Variants in C17orf78 observed in about 807,000 individuals in gnomAD.
The protein encoded by C17orf78 is chromosome 17 open reading frame 78.
A neutral mutation model predicts 31.8 loss-of-function variants in C17orf78; 27 were observed. The observed-to-expected ratio is 0.85, with a 90% CI of 0.63 to 1.17. The LOEUF (loss-of-function observed/expected upper bound fraction) is 1.17, where lower values mean the gene tolerates loss of function less well. C17orf78 is among the 50% of genes most tolerant of loss of function. The pLI is 0.00. For synonymous variants in C17orf78, 106 were observed against 115.1 expected, an observed-to-expected ratio of 0.92 and a Z score of 0.51; for missense variants, 258 against 315.2, an observed-to-expected ratio of 0.82 and a Z score of 1.37.
chr17:37,382,838 G>C (rs575817751), intron 3 of C17orf78, among the ~76,000 whole-genome samples: 1 of 151,950 alleles, frequency 6.6e-6, no homozygotes, highest in Non-Finnish European at 1.5e-5. Context: ...CCAGCCTGGC[G>C]ACAGAGCGAG....
chr17:37,391,444 T>C (rs2050880999), intron 6 of C17orf78, among the ~76,000 whole-genome samples: 1 of 152,184 alleles, frequency 6.6e-6, no homozygotes, highest in Non-Finnish European at 1.5e-5. Context: ...TAGTGGGTTA[T>C]AGGTTCCAAG....
At position 37,391,714 on chromosome 17, in the gene C17orf78, C is replaced by G. The variant is rs766956579; in HGVS notation, c.818C>G (p.Thr273Arg). The G allele has an allele frequency of 6.2e-7, 1 of 1,613,640 alleles. No individual in the cohort carries two copies. The highest frequency in any genetic ancestry group is 8.5e-7 in the Non-Finnish European group (1 of 1,179,630). The change falls in exon 7 of 7, where the codon ACA becomes AGA. Residue 273 changes from threonine (T) to arginine (R), a missense_variant. Transcript: ENST00000615133. Reference protein sequence around the residue: ...KAAEITVIHQTYF With the variant: ...KAAEITVIHQRYF ...GCAGAGATCACTGTTATCCACCAGA[C>G]ATACTTCTGAAAAGTTCTGCTCTAT...
chr17:37,381,674 C>A (rs924973388), intron 3 of C17orf78, among the ~76,000 whole-genome samples: 1 of 142,756 alleles, frequency 7.0e-6, no homozygotes, highest in Non-Finnish European at 1.5e-5. Flanking sequence ...GTTGCCCAGG[C>A]TGGAGTGCAG....
rs551092330 is a variant in C17orf78 at position 37,391,949 on chromosome 17, A to T, written c.*225A>T. ...TCACTTCATACATCCATCTAAATGG[A>T]TACCTTTCCATCCCCTCAAACGAGA... On this transcript the variant is annotated 3_prime_UTR_variant, in exon 7 of 7. Transcript: ENST00000615133. 5.4e-4 allele frequency: 297 copies of T among 550,488 alleles called. 8 individuals carry two copies. The South Asian group carries it at 7.9e-3, about 15-fold the overall frequency. The allele number at this position is 550,488 out of a possible 1,614,324, so 34.1% of individuals were successfully genotyped here.
chr17:37,384,095 C>T (rs144295333), intron 3 of C17orf78, among the ~76,000 whole-genome samples: 2,861 of 152,280 alleles, frequency 0.019, 85 homozygotes, highest in African/African-American at 0.066. Flanking sequence ...GAAACCCCGT[C>T]TCTACTAAAA....
chr17:37,387,130 T>C (rs1038878840), intron 4 of C17orf78: 2 of 152,086 alleles, frequency 1.3e-5, no homozygotes, highest in Non-Finnish European at 2.9e-5. Context: ...AGAGCATATA[T>C]TTGTTTTGAT....
chr17:37,389,508 A>G (rs1480548154), intron 6 of C17orf78, 146 bp downstream of exon 6: 2 of 1,204,946 alleles, frequency 1.7e-6, no homozygotes, highest in Non-Finnish European at 2.2e-6. Context: ...CCTGACCAAC[A>G]TGACGAAACC....
chr17:37,390,175 T>TATATATATACAC lies in C17orf78; in HGVS notation c.750+814_750+815insTATATATACACA, dbSNP rs60788220. 9.2e-3 allele frequency among the ~76,000 whole-genome samples: 409 copies of TATATATATACAC among 44,392 alleles called. 8 individuals carry two copies. The highest frequency in any genetic ancestry group is 0.01 in the Admixed American group (23 of 2,300). 29.1% of individuals were successfully genotyped at this position (44,392 alleles called of 152,430 possible). On this transcript the variant is annotated intron_variant, in intron 6 of 6. Coordinates refer to ENST00000615133, the MANE Select transcript of C17orf78 (RefSeq NM_173625.5). The stretch of plus-strand genomic sequence containing the variant: ...ATATATATATATATATATATATATA[T>TATATATATACAC]ACACACACACATTATATATAAATAT...
chr17:37,390,334 A>ATATATATATAT (rs2050822111), intron 6 of C17orf78, among the ~76,000 whole-genome samples: 9 of 93,388 alleles, frequency 9.6e-5, no homozygotes, highest in East Asian at 3.4e-4. Context: ...ATATATATAT[A>ATATATATATAT]AAAGGCCAGC....
In C17orf78 at chr17:37,391,971, G is replaced by A. The variant is rs961421795; in HGVS notation, c.*247G>A. The A allele has an allele frequency of 4.3e-5, 22 of 511,228 alleles. No homozygotes were observed. The highest frequency in any genetic ancestry group is 7.3e-5 in the Non-Finnish European group (21 of 287,030). 31.7% of individuals were successfully genotyped at this position (511,228 alleles called of 1,614,324 possible). ...TGGATACCTTTCCATCCCCTCAAAC[G>A]AGAACAAAAAGTATTCCCTGCAAGC... is the stretch of plus-strand genomic sequence containing the variant. On this transcript the variant is annotated 3_prime_UTR_variant, in exon 7 of 7. Transcript: ENST00000615133.
Position 37,388,759 on chromosome 17 carries a change from A to G in C17orf78, c.598A>G (p.Ile200Val), listed in dbSNP as rs777024499. The G allele has an allele frequency of 2.5e-6, 4 of 1,613,022 alleles. No individual in the cohort carries two copies. Among genetic ancestry groups the G allele is most frequent in the Non-Finnish European group, 3.4e-6 (4 of 1,179,534 alleles). ...AVTLLLSGVA[I>V]IVFVIFEVPC... Reference sequence around the variant, plus strand: ...CACCCTGTTGCTCAGTGGAGTTGCCATTATAGTATTTGTAATTTTTGAAGT... The same window carrying G: ...CACCCTGTTGCTCAGTGGAGTTGCCGTTATAGTATTTGTAATTTTTGAAGT... Residue 200 changes from isoleucine (I) to valine (V), a missense_variant, in exon 5 of 7, where the codon ATT (isoleucine) becomes GTT (valine). Ile to Val is a conservative substitution (Grantham distance 29). Transcript: ENST00000615133.
chr17:37,378,013 T>C, intron 2 of C17orf78, 48 bp downstream of exon 2: 2 of 1,537,230 alleles, frequency 1.3e-6, no homozygotes, highest in South Asian at 1.1e-5. Flanking sequence ...TTCCAAAAAA[T>C]TTTTACCTTT....
rs2050886800 is a variant in C17orf78, at chr17:37,391,557, GT to G, written c.751-86del. ...TGAAGTGCACTTGGAATTACATGGGGTTTTGTACTTAGCCAGCCCTTTTCTT... is the reference window on the plus strand; with the variant it reads ...TGAAGTGCACTTGGAATTACATGGGGTTTGTACTTAGCCAGCCCTTTTCTT... On this transcript the variant is annotated intron_variant, in intron 6 of 6. Coordinates refer to ENST00000615133, the MANE Select transcript of C17orf78 (RefSeq NM_173625.5). 3.5e-6 allele frequency: 4 copies of G among 1,156,452 alleles called. No homozygotes were observed. The South Asian group carries it at 3.7e-5, about 11-fold the overall frequency. 71.6% of individuals were successfully genotyped at this position (1,156,452 alleles called of 1,614,324 possible).
intron 4 of C17orf78, chr17:37,387,770 GTCC>G (rs1445720470): frequency 6.6e-6 from 1 of 152,118 alleles, no homozygotes; most frequent in Non-Finnish European, 1.5e-5. Context: ...TTTAGCAACA[GTCC>G]TCCTTAAATT....
Position 37,388,690 on chromosome 17 carries a change from A to G in C17orf78, c.529A>G (p.Lys177Glu), listed in dbSNP as rs750389019. The G allele has an allele frequency of 1.2e-6, 2 of 1,612,456 alleles. No individual in the cohort carries two copies. Among genetic ancestry groups the G allele is most frequent in the South Asian group, 2.2e-5 (2 of 90,778 alleles). The part of the protein sequence containing the change: ...TSTDTDENLE[K>E]RQKWSIVVKI... ...TTTAGACACAGATGAGAACCTAGAG[A>G]AGAGACAGAAATGGAGTATTGTGGT... Residue 177 changes from lysine (K) to glutamate (E), a missense_variant, in exon 5 of 7, where the codon AAG becomes GAG. Transcript: ENST00000615133.
intron 1 of C17orf78, 121 bp from the exon 2 acceptor site, chr17:37,377,758 C>T: frequency 1.6e-6 from 1 of 610,230 alleles, no homozygotes; most frequent in South Asian, 2.9e-5. Context: ...GTTTTATGAG[C>T]AGGAACTGCA....
chr17:37,377,974 T>C lies in C17orf78; in HGVS notation c.145+9T>C. ...AGAATTGCAAATGCAAGGTAGGGAA[T>C]GGGTCCTTTCTGGAAAATGATATTG... is the stretch of plus-strand genomic sequence containing the variant. On this transcript the variant is annotated intron_variant, in intron 2 of 6. Coordinates refer to ENST00000615133, the MANE Select transcript of C17orf78 (RefSeq NM_173625.5). 6.2e-7 allele frequency: 1 copy of C among 1,611,860 alleles called. No individual in the cohort carries two copies. Among genetic ancestry groups the C allele is most frequent in the Non-Finnish European group, 8.5e-7 (1 of 1,178,216 alleles).
intron 6 of C17orf78, among the ~76,000 whole-genome samples, chr17:37,390,334 A>ATAT (rs2050822111): frequency 1.9e-4 from 18 of 93,398 alleles, no homozygotes; most frequent in Admixed American, 4.9e-4. Flanking sequence ...ATATATATAT[A>ATAT]AAAGGCCAGC....
intron 2 of C17orf78, 92 bp downstream of exon 2, chr17:37,378,057 T>C (rs1268072750): frequency 1.8e-6 from 2 of 1,142,412 alleles, no homozygotes; most frequent in African/African-American, 3.1e-5. Context: ...TCCTAGCCCA[T>C]ATCTCAAATA....
Sources: gnomAD v4.1 joint callset for allele counts (sites outside exome capture counted in the v4.1 genomes callset) on GRCh38, gnomAD v4.1.1 for gene constraint, MANE v1.5 for transcripts, NCBI Gene and HGNC (gene_info 2026-07-23, HGNC 2026-07-21) for gene names.